Variants in SPAG16 observed in about 807,000 individuals in gnomAD.
The protein encoded by SPAG16 is sperm associated antigen 16.
SPAG16 carries 86 observed loss-of-function variants against 80.4 expected under a neutral mutation model. The observed-to-expected ratio is 1.07, with a 90% CI of 0.90 to 1.28. The LOEUF (loss-of-function observed/expected upper bound fraction) is 1.28. SPAG16 is among the 50% of genes most tolerant of loss of function. The probability of loss-of-function intolerance (pLI) is 0.00; values close to 1 mark genes in which losing one functional copy is unlikely to be tolerated. For synonymous variants in SPAG16, 294 were observed against 265.9 expected (o/e 1.11, Z -1.03); for missense variants, 870 against 765.3 (o/e 1.14, Z -1.61).
At chr2:214,172,653 C>A (rs2125638381) in intron 15 of SPAG16, among the ~76,000 whole-genome samples, 1 of 152,128 alleles carries the variant, frequency 6.6e-6, no homozygotes, top group African/African-American at 2.4e-5. Flanking sequence ...ATTTCTAGTT[C>A]TAGATCCCTG....
intron 15 of SPAG16, among the ~76,000 whole-genome samples, chr2:214,233,346 T>TGATGAA (rs1688839632): frequency 7.5e-6 from 1 of 133,882 alleles, no homozygotes; most frequent in African/African-American, 3.6e-5. Flanking sequence ...TAGATAATAA[T>TGATGAA]GATGATGATG....
chr2:213,587,079 T>C (rs1184213735), intron 10 of SPAG16, among the ~76,000 whole-genome samples: 2 of 152,308 alleles, frequency 1.3e-5, no homozygotes, highest in East Asian at 3.9e-4. Flanking sequence ...GCTTGAATCT[T>C]GCGCTGGTGA....
At chr2:214,156,229 G>C (rs1426730201) in intron 15 of SPAG16, among the ~76,000 whole-genome samples, 1 of 152,100 alleles carries the variant, frequency 6.6e-6, no homozygotes, top group African/African-American at 2.4e-5. Flanking sequence ...TGTGCAAGAG[G>C]CATTCTCATT....
At chr2:213,771,449 T>G (rs1305310136) in intron 10 of SPAG16, among the ~76,000 whole-genome samples, 1 of 152,174 alleles carries the variant, frequency 6.6e-6, no homozygotes, top group Non-Finnish European at 1.5e-5. Flanking sequence ...AGAAACTCTT[T>G]TTTTTAATTA....
At chr2:213,838,798 A>T (rs1016301214) in intron 10 of SPAG16, among the ~76,000 whole-genome samples, 3 of 152,164 alleles carry the variant, frequency 2.0e-5, no homozygotes, top group African/African-American at 7.2e-5. Flanking sequence ...CAACAGGCTC[A>T]TTTGGGGGAT....
intron 6 of SPAG16, among the ~76,000 whole-genome samples, chr2:213,342,849 C>T (rs1233846167): frequency 6.6e-6 from 1 of 151,454 alleles, no homozygotes; most frequent in African/African-American, 2.4e-5. Flanking sequence ...AAGACAAACA[C>T]AAAATGAGCA....
intron 10 of SPAG16, among the ~76,000 whole-genome samples, chr2:213,657,634 T>C (rs1189096164): frequency 9.9e-5 from 15 of 152,224 alleles, no homozygotes; most frequent in Admixed American, 9.8e-4. Flanking sequence ...GTGTTCTTTC[T>C]TACACAATTT....
At chr2:214,393,520 C>A (rs1701201314) in intron 15 of SPAG16, among the ~76,000 whole-genome samples, 2 of 150,704 alleles carry the variant, frequency 1.3e-5, no homozygotes, top group Admixed American at 6.6e-5. Context: ...AATATTTTCC[C>A]AAAATAGCAA....
intron 5 of SPAG16, among the ~76,000 whole-genome samples, chr2:213,319,493 A>G (rs1230652461): frequency 6.6e-6 from 1 of 151,992 alleles, no homozygotes; most frequent in African/African-American, 2.4e-5. Context: ...ATATATTACT[A>G]GAACCAGTGT....
At chr2:213,896,228 T>A (rs2076985128) in intron 11 of SPAG16, among the ~76,000 whole-genome samples, 1 of 151,786 alleles carries the variant, frequency 6.6e-6, no homozygotes, top group South Asian at 2.1e-4. Flanking sequence ...GAAACACAAA[T>A]CAAAACTATA....
In SPAG16 at chr2:214,307,838, G is replaced by A. The variant is rs117484683; in HGVS notation, c.1721-102302G>A. ...TTATGTATTTTACAGTATGTGCCAT[G>A]TTGCAATGAAAAGAATGTATATCTG... On this transcript the variant is annotated intron_variant, in intron 15 of 15. Transcript: ENST00000331683. Among the ~76,000 whole-genome samples, 27 of 152,264 alleles carry A rather than the reference G, an allele frequency of 1.8e-4. 2 individuals are homozygous for A. In the East Asian group the frequency reaches 5.2e-3, roughly 29 times the overall value.
chr2:213,446,716 G>A (rs533869962), intron 9 of SPAG16, among the ~76,000 whole-genome samples: 1 of 152,294 alleles, frequency 6.6e-6, no homozygotes, highest in East Asian at 1.9e-4. Context: ...TGCTCCTGCG[G>A]AAATCTATAC....
intron 9 of SPAG16, among the ~76,000 whole-genome samples, chr2:213,422,968 C>G (rs532549116): frequency 1.3e-5 from 2 of 152,210 alleles, no homozygotes; most frequent in Non-Finnish European, 2.9e-5. Flanking sequence ...TCCATGACAG[C>G]AAGGCTGTCT....
intron 15 of SPAG16, among the ~76,000 whole-genome samples, chr2:214,339,645 C>A (rs1348496602): frequency 6.6e-6 from 1 of 152,148 alleles, no homozygotes; most frequent in Non-Finnish European, 1.5e-5. Context: ...CTTACTTGCA[C>A]CTATTTTATC....
chr2:213,905,172 A>G (rs1369637002), intron 11 of SPAG16, among the ~76,000 whole-genome samples: 6 of 152,200 alleles, frequency 3.9e-5, no homozygotes, highest in Admixed American at 2.6e-4. Flanking sequence ...AAGATAAGAC[A>G]TATGATTTTT....
At chr2:213,435,471 C>G (rs1205576289) in intron 9 of SPAG16, among the ~76,000 whole-genome samples, 2 of 152,022 alleles carry the variant, frequency 1.3e-5, no homozygotes, top group South Asian at 4.1e-4. Flanking sequence ...GCTGAAAGGC[C>G]CGACTTCACC....
chr2:213,909,005 A>G (rs1575521957), intron 11 of SPAG16, among the ~76,000 whole-genome samples: 1 of 149,428 alleles, frequency 6.7e-6, no homozygotes, highest in Non-Finnish European at 1.5e-5. Context: ...ATTCCCATCT[A>G]TGAGTGAGAA....
chr2:213,916,935 T>C (rs2077998668), intron 11 of SPAG16, among the ~76,000 whole-genome samples: 1 of 152,220 alleles, frequency 6.6e-6, no homozygotes, highest in South Asian at 2.1e-4. Context: ...ATGTTTCACA[T>C]TTAAGCCTTT....
intron 15 of SPAG16, among the ~76,000 whole-genome samples, chr2:214,344,337 ACT>A (rs1298210762): frequency 2.4e-4 from 36 of 152,196 alleles, no homozygotes; most frequent in Non-Finnish European, 4.6e-4. Flanking sequence ...CTTCAACTTG[ACT>A]CTGCTTTTCA....
Sources: gnomAD v4.1 joint callset for allele counts (sites outside exome capture counted in the v4.1 genomes callset) on GRCh38, gnomAD v4.1.1 for gene constraint, MANE v1.5 for transcripts, NCBI Gene and HGNC (gene_info 2026-07-23, HGNC 2026-07-21) for gene names.